RBFOX1: variants seen among roughly 807,000 people sequenced by gnomAD.
RBFOX1 encodes RNA binding protein fox-1 homolog 1.
In RBFOX1, 8 loss-of-function variants were observed where a neutral mutation model predicts 57.7. The observed-to-expected ratio is 0.14, with a 90% CI of 0.08 to 0.25. RBFOX1 has a LOEUF of 0.25. RBFOX1 is among the 10% of genes least tolerant of loss of function. The pLI is 1.00. For synonymous variants in RBFOX1, 326 were observed against 222.4 expected (o/e 1.47, Z -4.15); for missense variants, 611 against 548.5 (o/e 1.11, Z -1.14).
intron 2 of RBFOX1, among the ~76,000 whole-genome samples, chr16:6,344,496 C>T (rs2152833065): frequency 6.8e-6 from 1 of 147,334 alleles, no homozygotes; most frequent in East Asian, 2.0e-4. Flanking sequence ...CTCCCGGGTT[C>T]ACGCCATTCT....
chr16:6,562,025 C>G (rs919936602), intron 2 of RBFOX1, among the ~76,000 whole-genome samples: 4 of 151,800 alleles, frequency 2.6e-5, no homozygotes, highest in African/African-American at 9.7e-5. Flanking sequence ...CATGTTGGTG[C>G]TTTAAGGCAT....
intron 14 of RBFOX1, among the ~76,000 whole-genome samples, chr16:7,680,675 T>C (rs2074500013): frequency 6.6e-6 from 1 of 152,206 alleles, no homozygotes; most frequent in African/African-American, 2.4e-5. Context: ...GAGCAAAAGA[T>C]GGCAACCAAC....
rs150019271 is a variant in RBFOX1, at chr16:5,430,926, A to G, written c.220-36290A>G. Among the ~76,000 whole-genome samples the G allele has an allele frequency of 1.0e-3, 153 of 152,342 alleles. 1 individual carries two copies. Among genetic ancestry groups the G allele is most frequent in the African/African-American group, 3.6e-3 (148 of 41,580 alleles). On this transcript the variant is annotated intron_variant, in intron 1 of 2. Transcript: ENST00000585867. The stretch of plus-strand genomic sequence containing the variant: ...GACAGTTTATAATAGAATCCTACAT[A>G]CTTCAGTGGGGACCTGCTCAGTAAC...
chr16:6,695,714 C>G (rs531448830), intron 3 of RBFOX1, among the ~76,000 whole-genome samples: 1 of 152,288 alleles, frequency 6.6e-6, no homozygotes, highest in Admixed American at 6.5e-5. Flanking sequence ...ATGACTGTCA[C>G]TTATTTTGGA....
chr16:6,777,300 A>C (rs2079540942), intron 3 of RBFOX1, among the ~76,000 whole-genome samples: 1 of 152,160 alleles, frequency 6.6e-6, no homozygotes, highest in African/African-American at 2.4e-5. Context: ...GATTAGTACT[A>C]CTGCATTTTA....
chr16:5,672,098 A>C (rs2050028671), intron 3 of RBFOX1, among the ~76,000 whole-genome samples: 1 of 152,146 alleles, frequency 6.6e-6, no homozygotes, highest in Admixed American at 6.5e-5. Context: ...TTAGAGGTTT[A>C]TGTCTCTTGG....
chr16:6,204,160 G>GA (rs2097237256), intron 1 of RBFOX1, among the ~76,000 whole-genome samples: 1 of 151,996 alleles, frequency 6.6e-6, no homozygotes, highest in African/African-American at 2.4e-5. Context: ...CTCAACTTTG[G>GA]AATCTTCCCT....
intron 2 of RBFOX1, among the ~76,000 whole-genome samples, chr16:6,424,319 C>G (rs1263435716): frequency 1.3e-5 from 2 of 152,180 alleles, no homozygotes; most frequent in Non-Finnish European, 2.9e-5. Flanking sequence ...TCTAAGCTGT[C>G]TGGCAACTTG....
At chr16:6,450,607 G>C (rs1009468954) in intron 2 of RBFOX1, among the ~76,000 whole-genome samples, 1 of 149,746 alleles carries the variant, frequency 6.7e-6, no homozygotes, top group African/African-American at 2.5e-5. Flanking sequence ...TCCAACCCCT[G>C]TTTCCATTTC....
intron 4 of RBFOX1, among the ~76,000 whole-genome samples, chr16:7,231,898 A>G (rs1808889306): frequency 6.6e-6 from 1 of 152,190 alleles, no homozygotes; most frequent in Non-Finnish European, 1.5e-5. Flanking sequence ...ACAGGCTAGG[A>G]GGAAGGGGTT....
chr16:7,089,534 T>C (rs1341586118), intron 4 of RBFOX1, among the ~76,000 whole-genome samples: 1 of 152,168 alleles, frequency 6.6e-6, no homozygotes, highest in African/African-American at 2.4e-5. Context: ...TAAACAAATA[T>C]CAATAATTCC....
chr16:5,428,801 T>A (rs780670311), intron 1 of RBFOX1, among the ~76,000 whole-genome samples: 5 of 152,162 alleles, frequency 3.3e-5, no homozygotes, highest in Non-Finnish European at 7.4e-5. Flanking sequence ...TAATGACATA[T>A]GATTTTTTTG....
At chr16:7,323,710 A>T (rs1214721966) in intron 4 of RBFOX1, among the ~76,000 whole-genome samples, 1 of 152,230 alleles carries the variant, frequency 6.6e-6, no homozygotes, top group African/African-American at 2.4e-5. Context: ...GAGATAACAG[A>T]TACAATGAAA....
At chr16:6,090,190 T>A (rs2096151066) in intron 1 of RBFOX1, 1 of 152,192 alleles carries the variant, frequency 6.6e-6, no homozygotes, top group Non-Finnish European at 1.5e-5. Flanking sequence ...GCCTCCCTCT[T>A]CTAGGTTTTA....
chr16:5,992,312 A>C (rs1400966125), intron 4 of RBFOX1, among the ~76,000 whole-genome samples: 1 of 152,244 alleles, frequency 6.6e-6, no homozygotes, highest in Non-Finnish European at 1.5e-5. Flanking sequence ...AAAAAAGGTT[A>C]ACATTGCTTA....
At chr16:5,973,055 G>A (rs1245845551) in intron 4 of RBFOX1, among the ~76,000 whole-genome samples, 1 of 152,136 alleles carries the variant, frequency 6.6e-6, no homozygotes, top group East Asian at 1.9e-4. Context: ...ATGTACCAAA[G>A]GTGTGTGGCA....
intron 3 of RBFOX1, among the ~76,000 whole-genome samples, chr16:5,795,987 G>A (rs1471514949): frequency 2.0e-5 from 3 of 152,162 alleles, no homozygotes; most frequent in Admixed American, 6.5e-5. Flanking sequence ...CAGTACAGTT[G>A]GGTTTTCCCA....
intron 1 of RBFOX1, among the ~76,000 whole-genome samples, chr16:5,447,678 G>C (rs1237256114): frequency 6.6e-6 from 1 of 152,232 alleles, no homozygotes; most frequent in African/African-American, 2.4e-5. Context: ...TTACTGGCAT[G>C]AGCCACCGTG....
intron 4 of RBFOX1, among the ~76,000 whole-genome samples, chr16:7,277,672 C>A (rs373820883): frequency 4.6e-5 from 7 of 152,096 alleles, no homozygotes; most frequent in African/African-American, 1.7e-4. Flanking sequence ...TGAGAGAAGT[C>A]TACCAGGGCG....
Sources: allele counts gnomAD v4.1 joint callset (sites outside exome capture counted in the v4.1 genomes callset), GRCh38; gene constraint gnomAD v4.1.1; transcripts MANE v1.5; gene names NCBI Gene and HGNC (gene_info 2026-07-23, HGNC 2026-07-21).